The following PODXL variants were observed in gnomAD, a reference collection of about 807,000 sequenced individuals.
PODXL encodes the protein podocalyxin.
In PODXL, 20 loss-of-function variants were observed where a neutral mutation model predicts 48.9. The ratio of observed to expected loss-of-function variants is 0.41; its 90% CI spans 0.29 to 0.59. The LOEUF (loss-of-function observed/expected upper bound fraction) is 0.59. PODXL is among the 20% of genes least tolerant of loss of function. PODXL has a pLI of 0.31. For synonymous variants in PODXL, 295 were observed against 287.4 expected (o/e 1.03, Z -0.27); for missense variants, 606 against 675.1 (o/e 0.90, Z 1.13).
rs746255906 is a variant in PODXL, at chr7:131,524,379, C to CACACAGAGAGAGAGAGAGAGAG, written c.101-12947_101-12946insCTCTCTCTCTCTCTCTCTGTGT. Among the ~76,000 whole-genome samples the CACACAGAGAGAGAGAGAGAGAG allele has an allele frequency of 3.3e-3, 344 of 104,036 alleles. 1 individual carries two copies. Among genetic ancestry groups the CACACAGAGAGAGAGAGAGAGAG allele is most frequent in the Middle Eastern group, 0.014 (3 of 218 alleles). 68.3% of individuals were successfully genotyped at this position (104,036 alleles called of 152,430 possible). A position where few individuals can be genotyped will look rare whatever the true frequency, so the allele number is the denominator to read the frequency against. ...ACACACACGCACACACACACACACA[C>CACACAGAGAGAGAGAGAGAGAG]AGAGAGAGAGAGAGAGAGAGAGAGA... On this transcript the variant is annotated intron_variant, in intron 1 of 8. Transcript: ENST00000378555.
intron 1 of PODXL, among the ~76,000 whole-genome samples, chr7:131,536,549 T>C (rs541343425): frequency 5.1e-4 from 78 of 152,122 alleles, no homozygotes; most frequent in Admixed American, 4.9e-3. Flanking sequence ...GGGGTAGAAG[T>C]CAGCCAGCAA....
chr7:131,556,282 C>CGGCGAA lies in PODXL; in HGVS notation c.77_78insTTCGCC (p.Pro30_Ser31dup), dbSNP rs1562922038. 1 of 1,461,080 alleles carries CGGCGAA rather than the reference C, an allele frequency of 6.8e-7. No homozygotes were observed. Among genetic ancestry groups the CGGCGAA allele is most frequent in the South Asian group, 1.3e-5 (1 of 76,294 alleles). 90.5% of individuals were successfully genotyped at this position (1,461,080 alleles called of 1,614,324 possible). On this transcript the variant is annotated inframe_insertion, in exon 1 of 9. Transcript: ENST00000378555. ...CACCATTCTGGGAGGGCGACGGCGACGGCGACGGCGACGACGGCAGCAGCG... is the reference window on the plus strand; with the variant it reads ...CACCATTCTGGGAGGGCGACGGCGACGGCGAAGGCGACGGCGACGACGGCAGCAGCG...
intron 5 of PODXL, 36 bp from the exon 6 acceptor site, chr7:131,506,762 G>A (rs745526157): frequency 6.2e-7 from 1 of 1,608,116 alleles, no homozygotes; most frequent in South Asian, 1.1e-5. Flanking sequence ...TCCGCGGGGA[G>A]CGTGACAGCA....
chr7:131,534,416 G>A (rs951344896), intron 1 of PODXL, among the ~76,000 whole-genome samples: 3 of 152,206 alleles, frequency 2.0e-5, no homozygotes, highest in Non-Finnish European at 4.4e-5. Context: ...CCCTGATAAT[G>A]ACCCCGCACC....
intron 1 of PODXL, among the ~76,000 whole-genome samples, chr7:131,516,401 T>C (rs1797996675): frequency 6.6e-6 from 1 of 152,094 alleles, no homozygotes. Flanking sequence ...TAGCCGGGCG[T>C]GTTGGCGCAT....
chr7:131,513,849 T>TAC (rs2116797923), intron 1 of PODXL, among the ~76,000 whole-genome samples: 1 of 152,314 alleles, frequency 6.6e-6, no homozygotes, highest in Admixed American at 6.5e-5. Context: ...CCATATCTTT[T>TAC]ACACACACAT....
At chr7:131,532,459 T>A (rs1168252189) in intron 1 of PODXL, among the ~76,000 whole-genome samples, 46 of 144,516 alleles carry the variant, frequency 3.2e-4, no homozygotes, top group South Asian at 3.0e-3. Flanking sequence ...AAATTAAAAA[T>A]AAATAATAAT....
chr7:131,529,931 G>A (rs1382135819), intron 1 of PODXL, among the ~76,000 whole-genome samples: 1 of 32,538 alleles, frequency 3.1e-5, no homozygotes, highest in East Asian at 1.2e-3. Flanking sequence ...CTTGCGCTGG[G>A]CCTCCCTAGG....
intron 1 of PODXL, among the ~76,000 whole-genome samples, chr7:131,535,742 C>T (rs1798364240): frequency 6.6e-6 from 1 of 152,104 alleles, no homozygotes; most frequent in African/African-American, 2.4e-5. Flanking sequence ...TGTCTAAGAT[C>T]CCCCTGGGGC....
At chr7:131,535,051 CAAAAAAG>C (rs1484820471) in intron 1 of PODXL, among the ~76,000 whole-genome samples, 1 of 151,440 alleles carries the variant, frequency 6.6e-6, no homozygotes, top group Non-Finnish European at 1.5e-5. Context: ...GACTCTATCT[CAAAAAAG>C]AAAAAAGAAA....
rs535461859 is a variant in PODXL, at chr7:131,540,873, G to A, written c.100+15387C>T. On this transcript the variant is annotated intron_variant, in intron 1 of 8. Transcript: ENST00000378555. ...GCTGTGGGATAGTCACCTCTGAAAC[G>A]GAGAGTGCCTCTGGGAAGAGAGGGA... 3.0e-4 allele frequency among the ~76,000 whole-genome samples: 45 copies of A among 152,204 alleles called. 1 individual carries two copies. The highest frequency in any genetic ancestry group is 2.2e-4 in the Non-Finnish European group (15 of 68,044).
At chr7:131,528,441 C>T (rs577098283) in intron 1 of PODXL, among the ~76,000 whole-genome samples, 1 of 152,254 alleles carries the variant, frequency 6.6e-6, no homozygotes, top group Admixed American at 6.5e-5. Flanking sequence ...CTTCAGCAAG[C>T]GTCAGAATCA....
intron 1 of PODXL, among the ~76,000 whole-genome samples, chr7:131,526,004 C>A (rs567580721): frequency 1.3e-5 from 2 of 152,240 alleles, no homozygotes; most frequent in Non-Finnish European, 1.5e-5. Flanking sequence ...GTATATTTCC[C>A]AGCTCTGTCC....
At chr7:131,549,221 G>C (rs1452522793) in intron 1 of PODXL, among the ~76,000 whole-genome samples, 1 of 152,206 alleles carries the variant, frequency 6.6e-6, no homozygotes, top group Non-Finnish European at 1.5e-5. Context: ...CATTCATGGG[G>C]AGAGCTGAAG....
intron 1 of PODXL, among the ~76,000 whole-genome samples, chr7:131,533,980 A>T (rs746658501): frequency 2.6e-4 from 40 of 152,188 alleles, no homozygotes; most frequent in Non-Finnish European, 4.0e-4. Context: ...GTGTGTGCAC[A>T]TAGAAAGTGC....
intron 1 of PODXL, among the ~76,000 whole-genome samples, chr7:131,548,818 C>T (rs545966957): frequency 1.1e-5 from 1 of 91,670 alleles, no homozygotes; most frequent in South Asian, 3.1e-4. Context: ...TCCTTCCTGC[C>T]CATATGCCCC....
intron 1 of PODXL, among the ~76,000 whole-genome samples, chr7:131,546,518 G>T (rs1554389423): frequency 6.6e-6 from 1 of 151,962 alleles, no homozygotes; most frequent in Non-Finnish European, 1.5e-5. Flanking sequence ...TTGAGGCCGG[G>T]AATTCAAGAC....
In PODXL at chr7:131,556,379, C is replaced by T. The variant is rs962350138; in HGVS notation, c.-20G>A. 6 of 1,370,282 alleles carry T rather than the reference C, an allele frequency of 4.4e-6. No individual in the cohort carries two copies. The highest frequency in any genetic ancestry group is 3.2e-5 in the Admixed American group (1 of 31,530). The allele number at this position is 1,370,282 out of a possible 1,614,324, so 84.9% of individuals were successfully genotyped here. A position where few individuals can be genotyped will look rare whatever the true frequency, so the allele number is the denominator to read the frequency against. ...GCGCATCGTGTCGTCGCCTCTGGGC[C>T]GGGAGCAGGTGGCTGCGGTGCCGGC... On this transcript the variant is annotated 5_prime_UTR_variant, in exon 1 of 9. Transcript: ENST00000378555.
At chr7:131,545,300 G>A (rs1798556144) in intron 1 of PODXL, among the ~76,000 whole-genome samples, 1 of 152,194 alleles carries the variant, frequency 6.6e-6, no homozygotes, top group African/African-American at 2.4e-5. Context: ...AACTGGCTGC[G>A]ACCTGCCATG....
Sources: allele counts gnomAD v4.1 joint callset (sites outside exome capture counted in the v4.1 genomes callset), GRCh38; gene constraint gnomAD v4.1.1; transcripts MANE v1.5; gene names NCBI Gene and HGNC (gene_info 2026-07-23, HGNC 2026-07-21).